The following LTV1 variants were observed in gnomAD, a reference collection of about 807,000 sequenced individuals.
LTV1 encodes the protein LTV1 ribosome biogenesis factor, also known as protein LTV1 homolog.
A neutral mutation model predicts 59.9 loss-of-function variants in LTV1; 39 were observed. That is an observed-to-expected ratio of 0.65 (90% confidence interval 0.50 to 0.85). The LOEUF is 0.85. Ranked by LOEUF, LTV1 falls within the 40% of genes least tolerant of loss-of-function variation. LTV1 has a pLI of 0.00. For synonymous variants in LTV1, 171 were observed against 189.5 expected (o/e 0.90, Z 0.80); for missense variants, 493 against 549.1 (o/e 0.90, Z 1.02).
intron 2 of LTV1, 58 bp downstream of exon 2, chr6:143,844,675 T>C: frequency 1.1e-5 from 17 of 1,517,878 alleles, no homozygotes; most frequent in South Asian, 5.0e-5. Context: ...TTTTTTTCTT[T>C]TTTTTTTTTT....
intron 3 of LTV1, among the ~76,000 whole-genome samples, chr6:143,849,857 A>G (rs1388464531): frequency 1.3e-5 from 2 of 152,170 alleles, no homozygotes; most frequent in Admixed American, 1.3e-4. Context: ...ACCGGTGATC[A>G]TTCCTTGGAA....
Position 143,857,456 on chromosome 6 carries a change from T to C in LTV1, c.539+12T>C. On this transcript the variant is annotated intron_variant, in intron 5 of 10. Transcript: ENST00000367576. This position sits in a 1 kb window ranked among gnomAD's most constrained non-coding sequence, Gnocchi z 5.2. Reference sequence around the variant, plus strand: ...GGAATGGATATACAGTATGTGTGGTTTGTTTCAAAGCAGAGATGATGACCT... The same window carrying C: ...GGAATGGATATACAGTATGTGTGGTCTGTTTCAAAGCAGAGATGATGACCT... The C allele has an allele frequency of 6.2e-7, 1 of 1,610,972 alleles. No individual in the cohort carries two copies. The highest frequency in any genetic ancestry group is 8.5e-7 in the Non-Finnish European group (1 of 1,177,352).
chr6:143,846,674 T>A (rs1239590696), intron 3 of LTV1, among the ~76,000 whole-genome samples: 1 of 152,256 alleles, frequency 6.6e-6, no homozygotes. Flanking sequence ...CATTCCTGTC[T>A]TGTAAACAAA....
intron 4 of LTV1, among the ~76,000 whole-genome samples, chr6:143,853,936 G>C (rs1037864370): frequency 2.6e-5 from 4 of 152,160 alleles, no homozygotes; most frequent in Non-Finnish European, 5.9e-5. Flanking sequence ...TCTCTGCCAG[G>C]TTTTGGTATC....
chr6:143,858,280 C>T (rs551617191), intron 6 of LTV1: 3 of 341,272 alleles, frequency 8.8e-6, no homozygotes, highest in South Asian at 4.3e-5. Flanking sequence ...TTACATCACA[C>T]GCTTACACCA....
chr6:143,850,187 T>A lies in LTV1; in HGVS notation c.366T>A (p.Val122=), dbSNP rs978559671. 6.8e-6 allele frequency: 11 copies of A among 1,613,688 alleles called. No individual in the cohort carries two copies. Among genetic ancestry groups the A allele is most frequent in the Non-Finnish European group, 9.3e-6 (11 of 1,179,834 alleles). The change falls in exon 4 of 11, where the codon GTT becomes GTA. Residue 122 remains valine, a synonymous_variant. Coordinates refer to ENST00000367576, the MANE Select transcript of LTV1 (RefSeq NM_032860.5). ...SVFASEFEED[V]GLLNKAAPVS... ...TTGCTTCAGAGTTTGAGGAAGATGT[T>A]GGATTGTTAAATAAAGCAGCTCCAG... is the stretch of plus-strand genomic sequence containing the variant.
In LTV1 at chr6:143,843,401, T is replaced by A. The variant is rs1298170215; in HGVS notation, c.-77T>A. 1 of 1,593,674 alleles carries A rather than the reference T, an allele frequency of 6.3e-7. No individual in the cohort carries two copies. The highest frequency in any genetic ancestry group is 1.1e-5 in the South Asian group (1 of 90,798). On this transcript the variant is annotated 5_prime_UTR_variant, in exon 1 of 11. Transcript: ENST00000367576. ...GAGGCCTACAGAAGCGGCCTTCAGCTGGACCTTGGTCTCCCCGCCGGACTT... is the reference window on the plus strand; with the variant it reads ...GAGGCCTACAGAAGCGGCCTTCAGCAGGACCTTGGTCTCCCCGCCGGACTT...
rs1274494202 is a variant in LTV1, at chr6:143,857,820, A to T, written c.608A>T (p.Asp203Val). 6.2e-7 allele frequency: 1 copy of T among 1,614,030 alleles called. No individual in the cohort carries two copies. The highest frequency in any genetic ancestry group is 1.3e-5 in the African/African-American group (1 of 75,048). The change falls in exon 6 of 11, where the codon GAC becomes GTC. Residue 203 changes from aspartate to valine, a missense_variant. Coordinates refer to ENST00000367576, the MANE Select transcript of LTV1 (RefSeq NM_032860.5). The surrounding 1 kb of genome is among the most constrained non-coding windows in gnomAD (Gnocchi z 5.2). ...GATGAGAAGGGAGATAGCAATGATGACTATGACTCTGCAGGCCTATTGTCA... is the reference window on the plus strand; with the variant it reads ...GATGAGAAGGGAGATAGCAATGATGTCTATGACTCTGCAGGCCTATTGTCA... ...VDDEKGDSND[D>V]YDSAGLLSDE...
In LTV1 at chr6:143,844,000, T is replaced by C. The variant is rs533542455; in HGVS notation, c.4-486T>C. 3.3e-5 allele frequency among the ~76,000 whole-genome samples: 5 copies of C among 152,382 alleles called. No homozygotes were observed. In the East Asian group the frequency reaches 9.6e-4, roughly 29 times the overall value. On this transcript the variant is annotated intron_variant, in intron 1 of 10. Transcript: ENST00000367576. ...ATGTAGAAAGAGGTGATGGATCTTA[T>C]TAAACTTTAGCTGTTTGTGTCGTGA...
chr6:143,856,400 A>G (rs1348849445), intron 4 of LTV1, among the ~76,000 whole-genome samples: 8 of 152,086 alleles, frequency 5.3e-5, no homozygotes, highest in African/African-American at 1.9e-4. Context: ...AGCTCCAAGG[A>G]GTTTGTTACT....
At chr6:143,854,099 G>T (rs1487095223) in intron 4 of LTV1, among the ~76,000 whole-genome samples, 1 of 152,078 alleles carries the variant, frequency 6.6e-6, no homozygotes, top group African/African-American at 2.4e-5. Context: ...TCTTTTGGTT[G>T]GTAGGCTATT....
intron 4 of LTV1, among the ~76,000 whole-genome samples, chr6:143,853,183 A>G (rs948163166): frequency 2.0e-5 from 3 of 152,258 alleles, no homozygotes; most frequent in African/African-American, 7.2e-5. Flanking sequence ...GGTCCTTCAC[A>G]TCCCTTGTAA....
In LTV1 at chr6:143,853,763, G is replaced by C. The variant is rs534583113; in HGVS notation, c.398-3540G>C. On this transcript the variant is annotated intron_variant, in intron 4 of 10. Transcript: ENST00000367576. The stretch of plus-strand genomic sequence containing the variant: ...TGTCATTGGTTCTGTTTATGTAATG[G>C]ATTACGTTGAACCAGCCTTGCATCC... Among the ~76,000 whole-genome samples the C allele has an allele frequency of 1.3e-4, 20 of 152,202 alleles. No individual in the cohort carries two copies. The East Asian group carries it at 3.9e-3, about 29-fold the overall frequency.
intron 3 of LTV1, 141 bp from the exon 4 acceptor site, chr6:143,849,990 T>A: frequency 3.3e-6 from 2 of 601,374 alleles, no homozygotes; most frequent in Non-Finnish European, 2.9e-6. Flanking sequence ...CCTCATCTTA[T>A]TATAGTTGAG....
chr6:143,847,084 A>G (rs1436295049), intron 3 of LTV1, among the ~76,000 whole-genome samples: 1 of 152,198 alleles, frequency 6.6e-6, no homozygotes, highest in Non-Finnish European at 1.5e-5. Context: ...ACCATCCCAA[A>G]GAAAGGTAAT....
intron 7 of LTV1, 64 bp downstream of exon 7, chr6:143,860,617 A>G: frequency 3.4e-6 from 5 of 1,469,258 alleles, no homozygotes; most frequent in Non-Finnish European, 4.6e-6. Flanking sequence ...AATTCCAAAG[A>G]AAGGTCTATA....
chr6:143,849,690 A>C (rs1776949992), intron 3 of LTV1, among the ~76,000 whole-genome samples: 1 of 152,228 alleles, frequency 6.6e-6, no homozygotes, highest in Non-Finnish European at 1.5e-5. Context: ...GCAGTAACAA[A>C]TTACCACAAA....
chr6:143,846,142 C>T lies in LTV1; in HGVS notation c.227C>T (p.Ser76Phe), dbSNP rs1193248249. 6.2e-7 allele frequency: 1 copy of T among 1,613,900 alleles called. No homozygotes were observed. Among genetic ancestry groups the T allele is most frequent in the African/African-American group, 1.3e-5 (1 of 74,952 alleles). ...TACCTGCAGCACCTGAAGGAACCAT[C>T]TGGGCCTTCAGAGCTTATTCCCTCA... Reference protein sequence around the residue: ...YDYLQHLKEPSGPSELIPSST... With the variant: ...YDYLQHLKEPFGPSELIPSST... The change falls in exon 3 of 11, where the codon TCT becomes TTT. Residue 76 changes from serine (S) to phenylalanine (F), a missense_variant. Physicochemically the swap from Ser to Phe is radical, Grantham distance 155. Coordinates refer to ENST00000367576, the MANE Select transcript of LTV1 (RefSeq NM_032860.5).
chr6:143,846,235 T>G lies in LTV1; in HGVS notation c.309+11T>G. ...ACGCTAGTAATTCCAGTAAGGCTTTTCAGCAATTTAATTGTGGGAGTGAGG... is the reference window on the plus strand; with the variant it reads ...ACGCTAGTAATTCCAGTAAGGCTTTGCAGCAATTTAATTGTGGGAGTGAGG... On this transcript the variant is annotated intron_variant, in intron 3 of 10. Coordinates refer to ENST00000367576, the MANE Select transcript of LTV1 (RefSeq NM_032860.5). 1 of 1,603,768 alleles carries G rather than the reference T, an allele frequency of 6.2e-7. No individual in the cohort carries two copies. The highest frequency in any genetic ancestry group is 1.1e-5 in the South Asian group (1 of 89,238).
Sources: allele counts gnomAD v4.1 joint callset (sites outside exome capture counted in the v4.1 genomes callset), GRCh38; gene constraint gnomAD v4.1.1; non-coding constraint Gnocchi (gnomAD v3.1); transcripts MANE v1.5; gene names NCBI Gene and HGNC (gene_info 2026-07-23, HGNC 2026-07-21).